Variants in ELAVL3 observed in about 807,000 individuals in gnomAD.
The protein encoded by ELAVL3 is ELAV-like protein 3.
In ELAVL3, 8 loss-of-function variants were observed where a neutral mutation model predicts 34.2. The ratio of observed to expected loss-of-function variants is 0.23; its 90% CI spans 0.14 to 0.42. ELAVL3 has a LOEUF of 0.42. Among genes scored for constraint, ELAVL3 ranks in the 10% least tolerant of loss-of-function variants. ELAVL3 has a pLI of 1.00. For synonymous variants in ELAVL3, 209 were observed against 222.1 expected (o/e 0.94, Z 0.53); for missense variants, 273 against 518.8 (o/e 0.53, Z 4.60).
At chr19:11,471,784 T>G (rs1248075785) in intron 1 of ELAVL3, among the ~76,000 whole-genome samples, 1 of 152,184 alleles carries the variant, frequency 6.6e-6, no homozygotes, top group Non-Finnish European at 1.5e-5. Flanking sequence ...TCAACCAGGC[T>G]GGTACTGGCT....
intron 1 of ELAVL3, among the ~76,000 whole-genome samples, chr19:11,475,654 C>T (rs142631120): frequency 0.044 from 6,663 of 149,944 alleles, 192 homozygotes; most frequent in East Asian, 0.11. Flanking sequence ...TGCTGTGTCA[C>T]CCAGGCTGCA....
chr19:11,475,705 C>T (rs566740091), intron 1 of ELAVL3, among the ~76,000 whole-genome samples: 1 of 151,774 alleles, frequency 6.6e-6, no homozygotes, highest in African/African-American at 2.4e-5. Context: ...CCTCCACCTC[C>T]CAAGTTCAAG....
intron 1 of ELAVL3, among the ~76,000 whole-genome samples, chr19:11,468,119 C>G (rs1175264534): frequency 6.6e-6 from 1 of 152,028 alleles, no homozygotes; most frequent in Non-Finnish European, 1.5e-5. Flanking sequence ...CTCATAAGCC[C>G]TTCCCTAAAC....
In ELAVL3 at chr19:11,454,724, C is replaced by T; in HGVS notation, c.906G>A (p.Gln302=). The change falls in exon 7 of 7, where the codon CAG becomes CAA. Residue 302 remains glutamine (Q), a synonymous_variant. Transcript: ENST00000359227. This position sits in a 1 kb window ranked among gnomAD's most constrained non-coding sequence, Gnocchi z 9.2. ...TGACTGCCCCAAAAGGCCCGAACAGCTGCCACAGCACGCTCTCGTCTGCCT... is the reference window on the plus strand; with the variant it reads ...TGACTGCCCCAAAAGGCCCGAACAGTTGCCACAGCACGCTCTCGTCTGCCT... The part of the protein sequence containing the change: ...SPEADESVLW[Q]LFGPFGAVTN... 6.2e-7 allele frequency: 1 copy of T among 1,614,204 alleles called. No homozygotes were observed.
intron 3 of ELAVL3, among the ~76,000 whole-genome samples, chr19:11,465,563 T>C (rs1971034707): frequency 1.4e-5 from 2 of 139,838 alleles, no homozygotes; most frequent in Non-Finnish European, 1.5e-5. Context: ...TCTGTTCCCA[T>C]GTTGAACTGG....
intron 1 of ELAVL3, among the ~76,000 whole-genome samples, chr19:11,476,982 A>G (rs1212354945): frequency 6.6e-6 from 1 of 152,190 alleles, no homozygotes; most frequent in East Asian, 1.9e-4. Context: ...CCCCTAACGA[A>G]AAGACCAGTA....
At chr19:11,473,035 C>T (rs1160487676) in intron 1 of ELAVL3, among the ~76,000 whole-genome samples, 1 of 151,484 alleles carries the variant, frequency 6.6e-6, no homozygotes, top group African/African-American at 2.4e-5. Context: ...CCATTGCACT[C>T]CAGCCTGGGT....
chr19:11,477,436 G>A (rs554175717), intron 1 of ELAVL3, among the ~76,000 whole-genome samples: 7 of 152,104 alleles, frequency 4.6e-5, no homozygotes, highest in Admixed American at 2.6e-4. Context: ...CCACCCAGCC[G>A]GCTAATTTTT....
chr19:11,468,309 T>G (rs1443103521), intron 1 of ELAVL3, among the ~76,000 whole-genome samples: 1 of 152,232 alleles, frequency 6.6e-6, no homozygotes, highest in East Asian at 1.9e-4. Flanking sequence ...ATAAAACACC[T>G]TCAAATAATG....
rs750136144 is a variant in ELAVL3, at chr19:11,454,517, G to C, written c.*9C>G. On this transcript the variant is annotated 3_prime_UTR_variant, in exon 7 of 7. Transcript: ENST00000359227. This position sits in a 1 kb window ranked among gnomAD's most constrained non-coding sequence, Gnocchi z 9.2. ...CCGGGGAGGGGGTGGGAGGGCAGGC[G>C]GGGTGGGCTCACGCCTTGTGCTGTT... 2.5e-6 allele frequency: 4 copies of C among 1,582,384 alleles called. No homozygotes were observed. The highest frequency in any genetic ancestry group is 1.1e-5 in the South Asian group (1 of 87,624).
chr19:11,480,651 C>A lies in ELAVL3; in HGVS notation c.-43G>T. On this transcript the variant is annotated 5_prime_UTR_variant, in exon 1 of 7. Transcript: ENST00000359227. The surrounding 1 kb of genome is among the most constrained non-coding windows in gnomAD (Gnocchi z 6.8). ...GCGCGGTCCGTGTTGAGGGGGGCTC[C>A]GGGGGTGGTGCACTCCTAGGGGGGC... 1 of 1,410,902 alleles carries A rather than the reference C, an allele frequency of 7.1e-7. No homozygotes were observed. Among genetic ancestry groups the A allele is most frequent in the Non-Finnish European group, 9.3e-7 (1 of 1,074,914 alleles). The allele number at this position is 1,410,902 out of a possible 1,614,324, so 87.4% of individuals were successfully genotyped here. A position where few individuals can be genotyped will look rare whatever the true frequency, so the allele number is the denominator to read the frequency against.
At chr19:11,459,127 C>CTTT (rs774008466) in intron 3 of ELAVL3, among the ~76,000 whole-genome samples, 1 of 123,724 alleles carries the variant, frequency 8.1e-6, no homozygotes, top group Non-Finnish European at 1.8e-5. Context: ...TTTTTTTTTT[C>CTTT]TTTTTTTTTT....
At chr19:11,472,857 G>A (rs1343497233) in intron 1 of ELAVL3, among the ~76,000 whole-genome samples, 1 of 152,012 alleles carries the variant, frequency 6.6e-6, no homozygotes. Context: ...CCAGAGGTCA[G>A]GAGTTTGAGA....
rs766524991 is a variant in ELAVL3 at position 11,454,302 on chromosome 19, G to C, written c.*224C>G. 2 of 558,548 alleles carry C rather than the reference G, an allele frequency of 3.6e-6. No individual in the cohort carries two copies. Among genetic ancestry groups the C allele is most frequent in the Non-Finnish European group, 6.4e-6 (2 of 314,448 alleles). The allele number at this position is 558,548 out of a possible 1,614,324, so 34.6% of individuals were successfully genotyped here. Reference sequence around the variant, plus strand: ...GTGAACAGCCCAGCCTGGGGTGGGGGCAGGAGGATGGGGCGGGGGATCCCC... The same window carrying C: ...GTGAACAGCCCAGCCTGGGGTGGGGCCAGGAGGATGGGGCGGGGGATCCCC... On this transcript the variant is annotated 3_prime_UTR_variant, in exon 7 of 7. Coordinates refer to ENST00000359227, the MANE Select transcript of ELAVL3 (RefSeq NM_001420.4). This position sits in a 1 kb window ranked among gnomAD's most constrained non-coding sequence, Gnocchi z 9.2.
At chr19:11,462,076 G>A (rs1278050458) in intron 3 of ELAVL3, among the ~76,000 whole-genome samples, 1 of 151,082 alleles carries the variant, frequency 6.6e-6, no homozygotes, top group African/African-American at 2.4e-5. Context: ...TCGGGAGGCT[G>A]AGGCAGGAGA....
chr19:11,460,332 G>GC (rs112005696), intron 3 of ELAVL3, among the ~76,000 whole-genome samples: 1 of 150,330 alleles, frequency 6.7e-6, no homozygotes. Flanking sequence ...CTCCACCCTG[G>GC]CCCCCCCTGC....
At chr19:11,471,909 A>C (rs1199424423) in intron 1 of ELAVL3, among the ~76,000 whole-genome samples, 1 of 152,246 alleles carries the variant, frequency 6.6e-6, no homozygotes, top group Non-Finnish European at 1.5e-5. Flanking sequence ...GGAGAATTTT[A>C]AAGCCACTTC....
chr19:11,478,698 T>C (rs1488523273), intron 1 of ELAVL3, among the ~76,000 whole-genome samples: 1 of 152,124 alleles, frequency 6.6e-6, no homozygotes, highest in African/African-American at 2.4e-5. Flanking sequence ...CCTGGCCTCA[T>C]CACTCTCTCT....
At position 11,466,675 on chromosome 19, in the gene ELAVL3, C is replaced by T. The variant is rs771550024; in HGVS notation, c.162G>A (p.Glu54=). ...CAATGCTGCCGAAGAGACTCTTGAA[C>T]TCATCCTGGGTCATGTTCTGGGGCA... The part of the protein sequence containing the change: ...NYLPQNMTQD[E]FKSLFGSIGD... Residue 54 remains glutamate, a synonymous_variant, in exon 2 of 7, where the codon GAG becomes GAA. Coordinates refer to ENST00000359227, the MANE Select transcript of ELAVL3 (RefSeq NM_001420.4). The surrounding 1 kb of genome is among the most constrained non-coding windows in gnomAD (Gnocchi z 5.0). 1.2e-6 allele frequency: 2 copies of T among 1,614,124 alleles called. No homozygotes were observed. Among genetic ancestry groups the T allele is most frequent in the South Asian group, 1.1e-5 (1 of 91,092 alleles).
Sources: allele counts gnomAD v4.1 joint callset (sites outside exome capture counted in the v4.1 genomes callset), GRCh38; gene constraint gnomAD v4.1.1; non-coding constraint Gnocchi (gnomAD v3.1); transcripts MANE v1.5; gene names NCBI Gene and HGNC (gene_info 2026-07-23, HGNC 2026-07-21).